SLAIN1: variants seen among roughly 807,000 people sequenced by gnomAD.
The protein encoded by SLAIN1 is SLAIN motif-containing protein 1.
In SLAIN1, 17 loss-of-function variants were observed where a neutral mutation model predicts 55.4. That is an observed-to-expected ratio of 0.31 (90% CI 0.21 to 0.46). SLAIN1 has a LOEUF of 0.46. Among genes scored for constraint, SLAIN1 ranks in the 20% least tolerant of loss-of-function variants. The pLI is 1.00. For missense variants in SLAIN1, 682 were observed against 785.1 expected (o/e 0.87, Z 1.57); for synonymous variants, 348 against 337.4 (o/e 1.03, Z -0.35).
chr13:77,726,019 A>G (rs2091304170), intron 2 of SLAIN1, among the ~76,000 whole-genome samples: 2 of 152,206 alleles, frequency 1.3e-5, no homozygotes, highest in Admixed American at 6.5e-5. Flanking sequence ...ATTCCTCAAA[A>G]AGCTTTCATG....
chr13:77,754,484 G>A lies in SLAIN1; in HGVS notation c.1414+1126G>A, dbSNP rs1874459707. On this transcript the variant is annotated intron_variant, in intron 5 of 6. Coordinates refer to ENST00000418532, the MANE Select transcript of SLAIN1 (RefSeq NM_001242868.2). ...TGTCTAAGGCCATACAGTTGGAAGA[G>A]CAGAGAGGCAGACCTAGGTCTGGTT... Among the ~76,000 whole-genome samples, 3 of 152,214 alleles carry A rather than the reference G, an allele frequency of 2.0e-5. No individual in the cohort carries two copies. The South Asian group carries it at 6.2e-4, about 32-fold the overall frequency.
At chr13:77,700,045 G>A (rs1478397391) in intron 1 of SLAIN1, among the ~76,000 whole-genome samples, 2 of 152,014 alleles carry the variant, frequency 1.3e-5, no homozygotes, top group Admixed American at 1.3e-4. Flanking sequence ...TTTTTGATGG[G>A]GAGATATATG....
intron 2 of SLAIN1, among the ~76,000 whole-genome samples, chr13:77,721,137 A>G (rs2154409730): frequency 6.6e-6 from 1 of 152,262 alleles, no homozygotes; most frequent in African/African-American, 2.4e-5. Flanking sequence ...TGACTGGATC[A>G]TGGGGGCGGT....
chr13:77,760,081 A>G (rs562239659), intron 5 of SLAIN1, among the ~76,000 whole-genome samples: 1 of 152,320 alleles, frequency 6.6e-6, no homozygotes, highest in African/African-American at 2.4e-5. Context: ...AGTACTAGGC[A>G]TCAAAGGCTT....
At chr13:77,762,637 T>C (rs1055828884) in intron 6 of SLAIN1, among the ~76,000 whole-genome samples, 1 of 152,154 alleles carries the variant, frequency 6.6e-6, no homozygotes, top group Non-Finnish European at 1.5e-5. Context: ...TGGCCTCAAG[T>C]TTTCCTCCTG....
At chr13:77,732,683 T>C (rs971388974) in intron 2 of SLAIN1, among the ~76,000 whole-genome samples, 1 of 152,056 alleles carries the variant, frequency 6.6e-6, no homozygotes, top group East Asian at 1.9e-4. Flanking sequence ...TTTTTTTTTT[T>C]AAATCTCCAC....
intron 1 of SLAIN1, among the ~76,000 whole-genome samples, chr13:77,707,337 A>G (rs933473141): frequency 9.2e-5 from 14 of 151,742 alleles, no homozygotes; most frequent in Non-Finnish European, 1.8e-4. Context: ...TGTTTTTTTC[A>G]ATATCCATGT....
rs1555278583 is a variant in SLAIN1, at chr13:77,738,231, C to CACAT, written c.767-6051_767-6050insCATA. ...ACACACATATACACATACATATATACATATACATATATATACACATATATA... is the reference window on the plus strand; with the variant it reads ...ACACACATATACACATACATATATACACATATATACATATATATACACATATATA... On this transcript the variant is annotated intron_variant, in intron 2 of 6. Coordinates refer to ENST00000418532, the MANE Select transcript of SLAIN1 (RefSeq NM_001242868.2). Among the ~76,000 whole-genome samples, 146 of 108,416 alleles carry CACAT rather than the reference C, an allele frequency of 1.3e-3. 3 individuals are homozygous for CACAT. In the East Asian group the frequency reaches 0.028, roughly 20 times the overall value. 71.1% of individuals were successfully genotyped at this position (108,416 alleles called of 152,430 possible).
At chr13:77,724,470 G>A (rs776394911) in intron 2 of SLAIN1, among the ~76,000 whole-genome samples, 47 of 152,088 alleles carry the variant, frequency 3.1e-4, no homozygotes, top group Non-Finnish European at 5.1e-4. Flanking sequence ...CTCCTGTCCC[G>A]TTCAGTCTTC....
At chr13:77,761,891 C>CAAT (rs1430323676) in intron 6 of SLAIN1, among the ~76,000 whole-genome samples, 1 of 151,982 alleles carries the variant, frequency 6.6e-6, no homozygotes, top group Non-Finnish European at 1.5e-5. Flanking sequence ...GAAATAAAGA[C>CAAT]AATAAATACA....
chr13:77,757,312 C>T (rs985219556), intron 5 of SLAIN1, among the ~76,000 whole-genome samples: 3 of 152,020 alleles, frequency 2.0e-5, no homozygotes, highest in African/African-American at 7.2e-5. Flanking sequence ...AGAGATGATT[C>T]GTCAACCAAG....
At chr13:77,760,753 T>C in intron 5 of SLAIN1, 75 bp from the exon 6 acceptor site, 3 of 1,514,432 alleles carry the variant, frequency 2.0e-6, no homozygotes, top group Non-Finnish European at 2.7e-6. Flanking sequence ...AATGGACTCT[T>C]CTGAAAATAA....
chr13:77,748,759 G>A (rs1428357891), intron 4 of SLAIN1, among the ~76,000 whole-genome samples: 1 of 152,108 alleles, frequency 6.6e-6, no homozygotes, highest in African/African-American at 2.4e-5. Context: ...TAGCTTAATG[G>A]TTGAGAGCAG....
At position 77,698,480 on chromosome 13, in the gene SLAIN1, G is replaced by T; in HGVS notation, c.567G>T (p.Glu189Asp). 6.9e-7 allele frequency: 1 copy of T among 1,458,580 alleles called. No homozygotes were observed. 90.4% of individuals were successfully genotyped at this position (1,458,580 alleles called of 1,614,324 possible). Residue 189 changes from glutamate (E) to aspartate (D), a missense_variant, in exon 1 of 7, where the codon GAG becomes GAT. This residue lies in a region of SLAIN1 where 401 missense variants were observed against 417.3 expected (regional missense o/e 0.96). Coordinates refer to ENST00000418532, the MANE Select transcript of SLAIN1 (RefSeq NM_001242868.2). This position sits in a 1 kb window ranked among gnomAD's most constrained non-coding sequence, Gnocchi z 4.1. ...CGCCGCCCCCCACGCTGCTGGACGAGGTGGAATTGCTGGATCTGGAGAGCG... is the reference window on the plus strand; with the variant it reads ...CGCCGCCCCCCACGCTGCTGGACGATGTGGAATTGCTGGATCTGGAGAGCG... ...PPSPPPTLLD[E>D]VELLDLESVA...
At position 77,723,737 on chromosome 13, in the gene SLAIN1, G is replaced by A. The variant is rs547120654; in HGVS notation, c.766+4066G>A. Among the ~76,000 whole-genome samples the A allele has an allele frequency of 2.3e-3, 353 of 152,194 alleles. 2 individuals are homozygous for A. Among genetic ancestry groups the A allele is most frequent in the African/African-American group, 8.3e-3 (343 of 41,522 alleles). On this transcript the variant is annotated intron_variant, in intron 2 of 6. Transcript: ENST00000418532. ...TATTCTGAAATTTCATTTATTTTGT[G>A]TGTGCTATAAACTTTAGTTCTGCAA...
chr13:77,713,939 G>A (rs2154409542), intron 1 of SLAIN1, among the ~76,000 whole-genome samples: 1 of 151,822 alleles, frequency 6.6e-6, no homozygotes, highest in South Asian at 2.1e-4. Flanking sequence ...ACCAAACACT[G>A]CATGTTCTCA....
At chr13:77,712,849 T>A (rs1054406640) in intron 1 of SLAIN1, among the ~76,000 whole-genome samples, 4 of 152,224 alleles carry the variant, frequency 2.6e-5, no homozygotes, top group South Asian at 2.1e-4. Context: ...ATGGTACTGG[T>A]ACCAAAACAG....
At chr13:77,749,541 T>C (rs900448409) in intron 4 of SLAIN1, among the ~76,000 whole-genome samples, 4 of 152,142 alleles carry the variant, frequency 2.6e-5, no homozygotes, top group African/African-American at 9.7e-5. Flanking sequence ...TCTTTGTTCA[T>C]AGAGTGATGA....
At chr13:77,706,447 A>C (rs1594250460) in intron 1 of SLAIN1, among the ~76,000 whole-genome samples, 1 of 152,136 alleles carries the variant, frequency 6.6e-6, no homozygotes, top group Non-Finnish European at 1.5e-5. Context: ...AACACGCTAA[A>C]GGAGCCATAA....
Sources: allele counts gnomAD v4.1 joint callset (sites outside exome capture counted in the v4.1 genomes callset), GRCh38; gene constraint gnomAD v4.1.1; regional missense constraint gnomAD v4.1.1; non-coding constraint Gnocchi (gnomAD v3.1); transcripts MANE v1.5; gene names NCBI Gene and HGNC (gene_info 2026-07-23, HGNC 2026-07-21).